The following DAPK1 variants were observed in gnomAD, a reference collection of about 807,000 sequenced individuals.
The protein encoded by DAPK1 is death-associated protein kinase 1.
In DAPK1, 56 loss-of-function variants were observed where a neutral mutation model predicts 144.9. The ratio of observed to expected loss-of-function variants is 0.39; its 90% CI spans 0.31 to 0.48. DAPK1 has a LOEUF of 0.48. DAPK1 is among the 20% of genes least tolerant of loss of function. The probability of loss-of-function intolerance (pLI) is 0.95; values close to 1 mark genes in which losing one functional copy is unlikely to be tolerated. For synonymous variants in DAPK1, 690 were observed against 749.0 expected (o/e 0.92, Z 1.29); for missense variants, 1,454 against 1,875.4 (o/e 0.78, Z 4.15).
chr9:87,580,248 C>G (rs1827704588), intron 2 of DAPK1, among the ~76,000 whole-genome samples: 1 of 152,082 alleles, frequency 6.6e-6, no homozygotes, highest in Non-Finnish European at 1.5e-5. Context: ...CTTTCAGTTC[C>G]TATTTTTAAA....
At chr9:87,502,954 T>C (rs1192806794) in intron 2 of DAPK1, among the ~76,000 whole-genome samples, 1 of 152,198 alleles carries the variant, frequency 6.6e-6, no homozygotes, top group Non-Finnish European at 1.5e-5. Context: ...AATGAGCTAA[T>C]GCAGTTTGGC....
chr9:87,668,340 A>G (rs1831130100), intron 18 of DAPK1: 1 of 473,782 alleles, frequency 2.1e-6, no homozygotes, highest in East Asian at 3.9e-5. Context: ...AAACCTGTGG[A>G]CCTGAAAGGT....
intron 18 of DAPK1, among the ~76,000 whole-genome samples, chr9:87,664,999 A>G (rs1831000709): frequency 1.3e-5 from 2 of 152,122 alleles, no homozygotes; most frequent in Non-Finnish European, 2.9e-5. Context: ...GCTCTTCCCC[A>G]GGTATCCATG....
At chr9:87,503,894 G>A (rs1468931) in intron 2 of DAPK1, among the ~76,000 whole-genome samples, 44,149 of 152,094 alleles carry the variant, frequency 0.29, 7,391 homozygotes, top group African/African-American at 0.44. Flanking sequence ...ATGGTCATTG[G>A]AAGCTAATAA....
rs184135424 is a variant in DAPK1, at chr9:87,541,088, A to C, written c.62+41949A>C. Among the ~76,000 whole-genome samples the C allele has an allele frequency of 2.4e-3, 358 of 152,290 alleles. 1 individual carries two copies. Among genetic ancestry groups the C allele is most frequent in the Admixed American group, 7.1e-3 (109 of 15,302 alleles). On this transcript the variant is annotated intron_variant, in intron 2 of 25. Transcript: ENST00000408954. ...TATTATTGATTCTGTACACATTATC[A>C]AAACCATTCTTAGAAAATACAAAAT...
At chr9:87,643,535 C>A in intron 11 of DAPK1, 67 bp downstream of exon 11, 3 of 1,058,310 alleles carry the variant, frequency 2.8e-6, no homozygotes, top group South Asian at 1.4e-5. Flanking sequence ...CCAAGCTGTT[C>A]TATTTGTTCA....
intron 2 of DAPK1, among the ~76,000 whole-genome samples, chr9:87,520,420 G>A (rs1002765275): frequency 1.3e-5 from 2 of 152,176 alleles, no homozygotes; most frequent in Admixed American, 1.3e-4. Flanking sequence ...GACAGGCACA[G>A]CTGGAGACAG....
At chr9:87,661,570 G>T (rs928145210) in intron 18 of DAPK1, among the ~76,000 whole-genome samples, 1 of 152,150 alleles carries the variant, frequency 6.6e-6, no homozygotes, top group Non-Finnish European at 1.5e-5. Flanking sequence ...TGTCTCTGAT[G>T]ATTGGTGATG....
chr9:87,665,292 T>C (rs1347562412), intron 18 of DAPK1, among the ~76,000 whole-genome samples: 1 of 152,166 alleles, frequency 6.6e-6, no homozygotes, highest in Non-Finnish European at 1.5e-5. Context: ...CTGTGCATAA[T>C]ACGCACTCAG....
chr9:87,689,845 T>A (rs949367367), intron 21 of DAPK1, among the ~76,000 whole-genome samples: 2 of 152,228 alleles, frequency 1.3e-5, no homozygotes, highest in African/African-American at 4.8e-5. Context: ...AGTTTTCTAT[T>A]CTGTTCCATT....
intron 2 of DAPK1, among the ~76,000 whole-genome samples, chr9:87,594,603 C>G (rs1196725016): frequency 6.6e-6 from 1 of 152,230 alleles, no homozygotes; most frequent in Non-Finnish European, 1.5e-5. Context: ...CAGGCTCCTT[C>G]CTGTCACCAC....
At chr9:87,626,900 G>A (rs377437406) in intron 3 of DAPK1, among the ~76,000 whole-genome samples, 19 of 152,110 alleles carry the variant, frequency 1.2e-4, no homozygotes, top group African/African-American at 3.6e-4. Flanking sequence ...AAAAAGTTCC[G>A]GAGGGCTGTA....
At chr9:87,570,329 G>A (rs915718096) in intron 2 of DAPK1, among the ~76,000 whole-genome samples, 2 of 152,124 alleles carry the variant, frequency 1.3e-5, no homozygotes, top group Non-Finnish European at 2.9e-5. Flanking sequence ...TATTAACACA[G>A]AGAGGTACTA....
rs1250032691 is a variant in DAPK1, at chr9:87,648,911, G to GCT, written c.1428+35_1428+36dup. On this transcript the variant is annotated intron_variant, in intron 15 of 25. Coordinates refer to ENST00000408954, the MANE Select transcript of DAPK1 (RefSeq NM_004938.4). ...CGTGACTGACATCCTCCCTTCCTCT[G>GCT]CTCTATACATGAATGTACAGGCAGC... The GCT allele has an allele frequency of 3.2e-6, 5 of 1,570,442 alleles. No individual in the cohort carries two copies. In the South Asian group the frequency reaches 5.5e-5, roughly 17 times the overall value.
intron 3 of DAPK1, 63 bp from the exon 4 acceptor site, chr9:87,637,880 A>G (rs961484395): frequency 1.2e-5 from 19 of 1,571,248 alleles, no homozygotes; most frequent in East Asian, 2.2e-5. Flanking sequence ...CCAATAGTCT[A>G]TGAGAGAAGG....
intron 23 of DAPK1, 54 bp downstream of exon 23, chr9:87,698,848 A>G (rs1472699722): frequency 4.6e-5 from 52 of 1,132,254 alleles, no homozygotes; most frequent in Middle Eastern, 2.0e-4. Context: ...CTCCCTGAGA[A>G]CTGAAGCAGA....
At chr9:87,589,439 G>A (rs1300565290) in intron 2 of DAPK1, among the ~76,000 whole-genome samples, 6 of 152,020 alleles carry the variant, frequency 3.9e-5, no homozygotes, top group South Asian at 4.1e-4. Context: ...GCCCAGACTC[G>A]AGCACAGGAG....
At chr9:87,596,000 C>CT (rs1036516712) in intron 2 of DAPK1, among the ~76,000 whole-genome samples, 260 of 147,132 alleles carry the variant, frequency 1.8e-3, no homozygotes, top group Non-Finnish European at 2.8e-3. Flanking sequence ...CACCGCTTTG[C>CT]TTTTTTTTTT....
In DAPK1 at chr9:87,641,302, C is replaced by T. The variant is rs527427708; in HGVS notation, c.828+455C>T. ...GAACAGGGCGCCCTGGAACATTACA[C>T]CTTTACATTACCTGCCTGGCCTGGT... On this transcript the variant is annotated intron_variant, in intron 9 of 25. Coordinates refer to ENST00000408954, the MANE Select transcript of DAPK1 (RefSeq NM_004938.4). Among the ~76,000 whole-genome samples the T allele has an allele frequency of 7.9e-5, 12 of 152,290 alleles. No homozygotes were observed. In the South Asian group the frequency reaches 2.3e-3, roughly 29 times the overall value.
Sources: gnomAD v4.1 joint callset for allele counts (sites outside exome capture counted in the v4.1 genomes callset) on GRCh38, gnomAD v4.1.1 for gene constraint, MANE v1.5 for transcripts, NCBI Gene and HGNC (gene_info 2026-07-23, HGNC 2026-07-21) for gene names.